ATAD2B: variants seen among roughly 807,000 people sequenced by gnomAD.
ATAD2B encodes the protein ATPase family AAA domain containing 2B.
ATAD2B carries 40 observed loss-of-function variants against 167.6 expected under a neutral mutation model. The observed-to-expected ratio is 0.24, with a 90% confidence interval of 0.19 to 0.31. The LOEUF is 0.31. Among genes scored for constraint, ATAD2B ranks in the 10% least tolerant of loss-of-function variants. The pLI is 1.00. For missense variants in ATAD2B, 1,242 were observed against 1,757.2 expected (o/e 0.71, Z 5.24); for synonymous variants, 579 against 596.5 (o/e 0.97, Z 0.43).
intron 22 of ATAD2B, among the ~76,000 whole-genome samples, chr2:23,768,535 G>A (rs866820558): frequency 2.0e-4 from 30 of 151,160 alleles, no homozygotes; most frequent in African/African-American, 7.3e-4. Flanking sequence ...TCACACCACT[G>A]CACTCCAGCC....
rs1414555024 is a variant in ATAD2B, at chr2:23,754,634, T to C, written c.4206+13A>G. On this transcript the variant is annotated intron_variant, in intron 26 of 27. Transcript: ENST00000238789. ...CATTCATTTAAAACTTGACTGGGAATAGCTAAGCTTACCTTCAATCTCTCA... is the reference window on the plus strand; with the variant it reads ...CATTCATTTAAAACTTGACTGGGAACAGCTAAGCTTACCTTCAATCTCTCA... 6.2e-7 allele frequency: 1 copy of C among 1,607,176 alleles called. No individual in the cohort carries two copies. Among genetic ancestry groups the C allele is most frequent in the Admixed American group, 1.7e-5 (1 of 58,402 alleles).
intron 26 of ATAD2B, 31 bp downstream of exon 26, chr2:23,754,616 T>G: frequency 6.2e-7 from 1 of 1,600,128 alleles, no homozygotes; most frequent in Non-Finnish European, 8.5e-7. Context: ...GTCCATTCAT[T>G]TAAAACTTGA....
the ATAD2B span, among the ~76,000 whole-genome samples, chr2:23,717,006 A>C: frequency 6.6e-6 from 1 of 152,218 alleles, no homozygotes; most frequent in African/African-American, 2.4e-5. Flanking sequence ...GGAGGCGAGG[A>C]TGGAGGCAGT....
At chr2:23,847,440 G>A (rs1691835709) in intron 13 of ATAD2B, among the ~76,000 whole-genome samples, 1 of 152,066 alleles carries the variant, frequency 6.6e-6, no homozygotes, top group Non-Finnish European at 1.5e-5. Context: ...GGGAGGCGGA[G>A]GTTGCCATGA....
intron 1 of ATAD2B, among the ~76,000 whole-genome samples, chr2:23,899,026 T>A (rs908816973): frequency 3.3e-5 from 5 of 152,050 alleles, no homozygotes; most frequent in African/African-American, 1.2e-4. Context: ...CCCATGCTTG[T>A]AATCCCAGCT....
At chr2:23,913,899 C>T (rs1702653592) in intron 1 of ATAD2B, among the ~76,000 whole-genome samples, 1 of 151,840 alleles carries the variant, frequency 6.6e-6, no homozygotes, top group African/African-American at 2.4e-5. Context: ...CCTAGGTGGT[C>T]GAGGCTTCAG....
intron 7 of ATAD2B, 72 bp from the exon 8 acceptor site, chr2:23,875,976 A>G: frequency 8.8e-7 from 1 of 1,135,944 alleles, no homozygotes; most frequent in Non-Finnish European, 1.3e-6. Flanking sequence ...AGGAGTAGAA[A>G]TGACTTCTGC....
rs894234941 is a variant in ATAD2B, at chr2:23,926,837, G to T, written c.-67C>A. ...GCCGAGCAAGGCCGGCCCGCCGGCC[G>T]GTCAGTCAGGGCCAGCGGAGCCGAG... is the stretch of plus-strand genomic sequence containing the variant. On this transcript the variant is annotated 5_prime_UTR_variant, in exon 1 of 28. Transcript: ENST00000238789. The T allele has an allele frequency of 2.8e-6, 4 of 1,447,044 alleles. No homozygotes were observed. The African/African-American group carries it at 4.4e-5, about 16-fold the overall frequency. 89.6% of individuals were successfully genotyped at this position (1,447,044 alleles called of 1,614,324 possible). A position where few individuals can be genotyped will look rare whatever the true frequency, so the allele number is the denominator to read the frequency against.
chr2:23,726,750 C>T, the ATAD2B span, among the ~76,000 whole-genome samples: 1 of 152,102 alleles, frequency 6.6e-6, no homozygotes, highest in South Asian at 2.1e-4. Flanking sequence ...ATAAGCCGGA[C>T]ACAAAAGGAA....
intron 23 of ATAD2B, among the ~76,000 whole-genome samples, chr2:23,764,539 A>C (rs935694764): frequency 1.2e-4 from 18 of 152,184 alleles, no homozygotes; most frequent in Non-Finnish European, 2.6e-4. Context: ...GTTTTATACC[A>C]GATGGGGTTC....
chr2:23,698,971 T>C, the ATAD2B span, among the ~76,000 whole-genome samples: 15 of 152,372 alleles, frequency 9.8e-5, no homozygotes, highest in Middle Eastern at 3.4e-3. Flanking sequence ...TTTGGAACCC[T>C]GCCATATTGG....
At chr2:23,745,422 A>AAGGAAGGG (rs1491261605), downstream of ATAD2B, among the ~76,000 whole-genome samples, 40 of 85,064 alleles carry the variant, frequency 4.7e-4, no homozygotes, top group Middle Eastern at 6.2e-3. Context: ...GGAAGGAAGG[A>AAGGAAGGG]AAGGGAAGGG....
chr2:23,703,792 C>T, the ATAD2B span: 3 of 1,537,456 alleles, frequency 2.0e-6, no homozygotes, highest in Non-Finnish European at 2.6e-6. Context: ...CCAGAGCTAC[C>T]ACCATCTACG....
intron 1 of ATAD2B, among the ~76,000 whole-genome samples, chr2:23,903,294 G>A (rs1701057491): frequency 6.9e-6 from 1 of 144,970 alleles, no homozygotes; most frequent in Admixed American, 7.0e-5. Flanking sequence ...TTCTATAGAA[G>A]TGGGAATATG....
chr2:23,837,098 GCCCTCAGCCACA>G (rs1218063120), intron 13 of ATAD2B, among the ~76,000 whole-genome samples: 1 of 152,186 alleles, frequency 6.6e-6, no homozygotes, highest in Non-Finnish European at 1.5e-5. Flanking sequence ...GTGCCAAGCT[GCCCTCAGCCACA>G]CCCTCAGCTT....
At chr2:23,794,449 G>A (rs1331372217) in intron 19 of ATAD2B, among the ~76,000 whole-genome samples, 3 of 152,176 alleles carry the variant, frequency 2.0e-5, no homozygotes, top group Non-Finnish European at 4.4e-5. Flanking sequence ...AGACTCAGCA[G>A]ATATGTAGTT....
rs141847520 is a variant in ATAD2B at position 23,824,424 on chromosome 2, A to G, written c.1820-855T>C. Among the ~76,000 whole-genome samples the G allele has an allele frequency of 3.4e-3, 511 of 152,356 alleles. 3 individuals carry two copies. The highest frequency in any genetic ancestry group is 0.012 in the African/African-American group (494 of 41,594). On this transcript the variant is annotated intron_variant, in intron 15 of 27. Coordinates refer to ENST00000238789, the MANE Select transcript of ATAD2B (RefSeq NM_017552.4). ...AACTTCCAAACACGTATAAAATAGT[A>G]TATAAACAGAAACTTCAAAAACAGA... is the stretch of plus-strand genomic sequence containing the variant.
At chr2:23,824,894 T>C (rs886572688) in intron 15 of ATAD2B, among the ~76,000 whole-genome samples, 3 of 152,192 alleles carry the variant, frequency 2.0e-5, no homozygotes, top group Non-Finnish European at 4.4e-5. Flanking sequence ...ATTCCAATAG[T>C]TATAGAATAT....
intron 18 of ATAD2B, among the ~76,000 whole-genome samples, chr2:23,802,262 C>T (rs10490752): frequency 0.12 from 18,180 of 151,962 alleles, 1,164 homozygotes; most frequent in Middle Eastern, 0.21. Flanking sequence ...TTGTGCCATG[C>T]TATCAGAAAT....
Sources: gnomAD v4.1 joint callset for allele counts (sites outside exome capture counted in the v4.1 genomes callset) on GRCh38, gnomAD v4.1.1 for gene constraint, MANE v1.5 for transcripts, NCBI Gene and HGNC (gene_info 2026-07-23, HGNC 2026-07-21) for gene names.